EYS: variants seen among roughly 807,000 people sequenced by gnomAD.
EYS encodes the protein EGF-like photoreceptor maintenance factor.
Under a neutral mutation model 282.1 loss-of-function variants are expected in EYS, and 250 were observed. The ratio of observed to expected loss-of-function variants is 0.89; its 90% confidence interval spans 0.80 to 0.98. The LOEUF (loss-of-function observed/expected upper bound fraction) is 0.98. EYS is among the 50% of genes least tolerant of loss of function. EYS has a pLI of 0.00. For synonymous variants in EYS, 1,355 were observed against 1,282.9 expected (o/e 1.06, Z -1.20); for missense variants, 4,016 against 3,709.0 (o/e 1.08, Z -2.15).
At chr6:65,073,263 CT>C (rs1773950539) in intron 12 of EYS, among the ~76,000 whole-genome samples, 1 of 151,582 alleles carries the variant, frequency 6.6e-6, no homozygotes. Flanking sequence ...TATTTAAATA[CT>C]TAAGAATATT....
At chr6:64,020,544 A>G (rs978877096) in intron 33 of EYS, among the ~76,000 whole-genome samples, 6 of 152,196 alleles carry the variant, frequency 3.9e-5, no homozygotes, top group Admixed American at 3.9e-4. Context: ...GTGCAAATAG[A>G]TGTGGTAGTA....
chr6:64,878,274 G>A (rs1766812524), intron 19 of EYS, among the ~76,000 whole-genome samples: 1 of 152,032 alleles, frequency 6.6e-6, no homozygotes, highest in South Asian at 2.1e-4. Flanking sequence ...TACAGCAGTA[G>A]GGCAGTAGGG....
chr6:65,023,652 T>C (rs1027915551), intron 13 of EYS, among the ~76,000 whole-genome samples: 1 of 152,210 alleles, frequency 6.6e-6, no homozygotes, highest in Non-Finnish European at 1.5e-5. Context: ...GACCTTCCAG[T>C]TTTGAAACCA....
At position 63,984,498 on chromosome 6, in the gene EYS, C is replaced by A; in HGVS notation, c.6940G>T (p.Val2314Leu). The change falls in exon 35 of 43, where the codon GTA becomes TTA. Residue 2314 changes from valine to leucine, a missense_variant. Transcript: ENST00000503581. ...ATGATGAAGAATTCTTTGTTGTTTA[C>A]TTGAAGGTCTAGAATGCAGCCCCTG... is the stretch of plus-strand genomic sequence containing the variant. ...GFRGCILDLQ[V>L]NNKEFFIIDE... 6.5e-7 allele frequency: 1 copy of A among 1,549,558 alleles called. No homozygotes were observed. The highest frequency in any genetic ancestry group is 1.4e-5 in the African/African-American group (1 of 72,932).
In EYS at chr6:64,453,547, C is replaced by T. The variant is rs144958344; in HGVS notation, c.5645-14195G>A. Among the ~76,000 whole-genome samples the T allele has an allele frequency of 6.2e-4, 94 of 152,254 alleles. 1 individual carries two copies. The East Asian group carries it at 7.2e-3, about 12-fold the overall frequency. On this transcript the variant is annotated intron_variant, in intron 26 of 42. Coordinates refer to ENST00000503581, the MANE Select transcript of EYS (RefSeq NM_001142800.2). ...ATTATAAATCATGCTGCTATAAAGA[C>T]ACATGCACATGTATGTTTACTGCGG... is the stretch of plus-strand genomic sequence containing the variant.
intron 31 of EYS, among the ~76,000 whole-genome samples, chr6:64,114,618 C>T (rs1773315045): frequency 6.6e-6 from 1 of 152,190 alleles, no homozygotes; most frequent in Non-Finnish European, 1.5e-5. Flanking sequence ...TCACTGTCAG[C>T]CATGCAGTGA....
At chr6:64,268,182 T>C (rs1401399550) in intron 30 of EYS, among the ~76,000 whole-genome samples, 1 of 152,038 alleles carries the variant, frequency 6.6e-6, no homozygotes, top group Non-Finnish European at 1.5e-5. Flanking sequence ...ATGTAGCTGT[T>C]AAAAAGAGAG....
At chr6:65,261,522 T>C (rs1470347472) in intron 12 of EYS, among the ~76,000 whole-genome samples, 4 of 152,054 alleles carry the variant, frequency 2.6e-5, no homozygotes, top group Admixed American at 2.6e-4. Flanking sequence ...ATGGTTTGCA[T>C]AATGATTAAC....
In EYS at chr6:64,328,930, A is replaced by T. The variant is rs1038940866; in HGVS notation, c.6079-21848T>A. Among the ~76,000 whole-genome samples the T allele has an allele frequency of 2.6e-5, 4 of 152,198 alleles. No individual in the cohort carries two copies. In the South Asian group the frequency reaches 8.3e-4, roughly 31 times the overall value. The stretch of plus-strand genomic sequence containing the variant: ...CAAGCAGATGGGACACTGAAGAATG[A>T]ATGCCCACAAAGAGAAAAGGATAAA... On this transcript the variant is annotated intron_variant, in intron 29 of 42. Coordinates refer to ENST00000503581, the MANE Select transcript of EYS (RefSeq NM_001142800.2).
chr6:65,253,235 C>G (rs923166729), intron 12 of EYS, among the ~76,000 whole-genome samples: 1 of 151,964 alleles, frequency 6.6e-6, no homozygotes, highest in Non-Finnish European at 1.5e-5. Context: ...TGCTGTTGGA[C>G]TCCCACATAA....
chr6:64,828,845 A>G (rs537856936), intron 19 of EYS, among the ~76,000 whole-genome samples: 2 of 152,120 alleles, frequency 1.3e-5, no homozygotes, highest in South Asian at 2.1e-4. Context: ...TGAAGGAAAA[A>G]TAAAAAAAGT....
At chr6:63,788,297 G>A in intron 38 of EYS, 48 bp from the exon 39 acceptor site, 1 of 1,398,096 alleles carries the variant, frequency 7.2e-7, no homozygotes, top group South Asian at 1.4e-5. Context: ...AATTCCCCAG[G>A]GTGAAATGTT....
At chr6:64,472,914 G>A (rs967308924) in intron 26 of EYS, among the ~76,000 whole-genome samples, 9 of 152,202 alleles carry the variant, frequency 5.9e-5, no homozygotes, top group Admixed American at 5.2e-4. Context: ...GTTATCCCAT[G>A]AAAGATGAAA....
At chr6:64,164,408 T>C (rs991698819) in intron 31 of EYS, among the ~76,000 whole-genome samples, 1 of 152,106 alleles carries the variant, frequency 6.6e-6, no homozygotes, top group African/African-American at 2.4e-5. Flanking sequence ...AATTGTAATA[T>C]TTGTTGAAAA....
Position 64,660,168 on chromosome 6 carries a change from C to T in EYS, c.3444-33923G>A, listed in dbSNP as rs550372522. Among the ~76,000 whole-genome samples, 8 of 152,258 alleles carry T rather than the reference C, an allele frequency of 5.3e-5. No individual in the cohort carries two copies. In the East Asian group the frequency reaches 9.6e-4, roughly 18 times the overall value. The stretch of plus-strand genomic sequence containing the variant: ...TTATCTCAATAGATGCAGAAAAGGC[C>T]TTTGACAAAATTCAACAACACTTCA... On this transcript the variant is annotated intron_variant, in intron 22 of 42. Transcript: ENST00000503581.
chr6:64,045,147 C>T (rs1301483860), intron 33 of EYS, among the ~76,000 whole-genome samples: 4 of 152,100 alleles, frequency 2.6e-5, no homozygotes, highest in South Asian at 2.1e-4. Flanking sequence ...CAGAGTGAGT[C>T]GTCTCCATGA....
At chr6:65,042,005 T>G (rs577739966) in intron 13 of EYS, among the ~76,000 whole-genome samples, 1 of 151,798 alleles carries the variant, frequency 6.6e-6, no homozygotes. Flanking sequence ...ACAACTGACT[T>G]AGAGACTTAA....
At chr6:64,816,592 T>A (rs143526834) in intron 21 of EYS, among the ~76,000 whole-genome samples, 1 of 152,076 alleles carries the variant, frequency 6.6e-6, no homozygotes. Flanking sequence ...AATAATGGAA[T>A]AGCTAGAGAA....
At chr6:65,430,240 T>A (rs1003872145) in intron 5 of EYS, among the ~76,000 whole-genome samples, 1 of 152,130 alleles carries the variant, frequency 6.6e-6, no homozygotes, top group African/African-American at 2.4e-5. Context: ...TTTAACTTCA[T>A]ATCACTGAAA....
Sources: gnomAD v4.1 joint callset for allele counts (sites outside exome capture counted in the v4.1 genomes callset) on GRCh38, gnomAD v4.1.1 for gene constraint, MANE v1.5 for transcripts, NCBI Gene and HGNC (gene_info 2026-07-23, HGNC 2026-07-21) for gene names.